ARHGAP10: variants seen among roughly 807,000 people sequenced by gnomAD.
ARHGAP10 encodes the protein rho GTPase-activating protein 10.
A neutral mutation model predicts 108.6 loss-of-function variants in ARHGAP10; 87 were observed. The ratio of observed to expected loss-of-function variants is 0.80; its 90% confidence interval spans 0.67 to 0.96. ARHGAP10 has a LOEUF of 0.96. ARHGAP10 is among the 40% of genes least tolerant of loss of function. The probability of loss-of-function intolerance (pLI) is 0.00; values close to 1 mark genes in which losing one functional copy is unlikely to be tolerated. For missense variants in ARHGAP10, 939 were observed against 954.5 expected (o/e 0.98, Z 0.21); for synonymous variants, 347 against 341.1 (o/e 1.02, Z -0.19).
At chr4:147,766,687 G>A (rs1196695070) in intron 1 of ARHGAP10, among the ~76,000 whole-genome samples, 7 of 145,336 alleles carry the variant, frequency 4.8e-5, no homozygotes, top group Admixed American at 4.8e-4. Flanking sequence ...CAGCCTGGGC[G>A]ATAGAGCAAG....
At position 147,966,777 on chromosome 4, in the gene ARHGAP10, G is replaced by A; in HGVS notation, c.1654G>A (p.Ala552Thr). The change falls in exon 18 of 23, where the codon GCC becomes ACC. Residue 552 changes from alanine to threonine, a missense_variant. Physicochemically the swap from Ala to Thr is moderately conservative, Grantham distance 58. Transcript: ENST00000336498. ...GAGGCCACAGGAAGAAACTGTCGCTGCCCTCATGGACTTGAAGTTTCAGAA... is the reference window on the plus strand; with the variant it reads ...GAGGCCACAGGAAGAAACTGTCGCTACCCTCATGGACTTGAAGTTTCAGAA... The part of the protein sequence containing the change: ...LMRPQEETVA[A>T]LMDLKFQNIV... The A allele has an allele frequency of 6.2e-7, 1 of 1,604,936 alleles. No individual in the cohort carries two copies. Among genetic ancestry groups the A allele is most frequent in the South Asian group, 1.1e-5 (1 of 89,598 alleles).
At chr4:147,825,789 C>T (rs1390813803) in intron 3 of ARHGAP10, among the ~76,000 whole-genome samples, 1 of 152,134 alleles carries the variant, frequency 6.6e-6, no homozygotes, top group South Asian at 2.1e-4. Context: ...TTTTTCTTAA[C>T]CCTCTTTGAT....
chr4:148,004,612 G>A (rs547037515), intron 18 of ARHGAP10, among the ~76,000 whole-genome samples: 3 of 152,352 alleles, frequency 2.0e-5, no homozygotes, highest in Admixed American at 2.0e-4. Context: ...GGAAACCGCA[G>A]GCATCCTCTA....
chr4:147,751,354 A>C (rs1729138970), intron 1 of ARHGAP10, among the ~76,000 whole-genome samples: 1 of 151,778 alleles, frequency 6.6e-6, no homozygotes, highest in South Asian at 2.1e-4. Context: ...TAGTAGGAGT[A>C]GATAATAGTT....
chr4:148,068,226 G>A (rs17024320), intron 22 of ARHGAP10, among the ~76,000 whole-genome samples: 2,901 of 152,294 alleles, frequency 0.019, 90 homozygotes, highest in African/African-American at 0.067. Context: ...GTTTCCAGGA[G>A]CGACCCCACG....
intron 9 of ARHGAP10, 99 bp downstream of exon 9, chr4:147,879,437 G>T: frequency 1.0e-6 from 1 of 1,000,020 alleles, no homozygotes. Context: ...TTATATTCAT[G>T]GATGGTAAAT....
At chr4:147,963,519 A>T (rs1477813248) in intron 16 of ARHGAP10, among the ~76,000 whole-genome samples, 1 of 152,218 alleles carries the variant, frequency 6.6e-6, no homozygotes, top group Non-Finnish European at 1.5e-5. Context: ...GATTTATTTG[A>T]TAGTTTTCCA....
rs373514100 is a variant in ARHGAP10 at position 147,945,818 on chromosome 4, G to C, written c.1304-799G>C. 1.5e-3 allele frequency among the ~76,000 whole-genome samples: 229 copies of C among 152,152 alleles called. 1 individual carries two copies. Among genetic ancestry groups the C allele is most frequent in the African/African-American group, 4.9e-3 (202 of 41,478 alleles). ...CATCACCAGGAAAAATTAGACATGC[G>C]GACACAGTGAAGGGTGAGGAGAGTG... On this transcript the variant is annotated intron_variant, in intron 14 of 22. Transcript: ENST00000336498.
intron 19 of ARHGAP10, among the ~76,000 whole-genome samples, chr4:148,043,614 A>AATATATATATGTATATATAT (rs1728728397): frequency 1.8e-5 from 1 of 54,978 alleles, no homozygotes; most frequent in South Asian, 5.0e-4. Context: ...CCCTCTCTCT[A>AATATATATATGTATATATAT]ATATATATAT....
intron 3 of ARHGAP10, among the ~76,000 whole-genome samples, chr4:147,840,758 A>C (rs1054207899): frequency 2.0e-5 from 3 of 152,204 alleles, no homozygotes; most frequent in South Asian, 4.1e-4. Context: ...ATCCCAGGCA[A>C]ATCCTAACGG....
At chr4:147,841,620 T>C (rs1352364825) in intron 3 of ARHGAP10, among the ~76,000 whole-genome samples, 1 of 152,136 alleles carries the variant, frequency 6.6e-6, no homozygotes, top group Non-Finnish European at 1.5e-5. Context: ...AAGTGAGAGA[T>C]TCCGTGGAGC....
chr4:147,884,547 A>G (rs1221815708), intron 10 of ARHGAP10, among the ~76,000 whole-genome samples: 1 of 152,144 alleles, frequency 6.6e-6, no homozygotes, highest in South Asian at 2.1e-4. Context: ...AAAAGTCTCT[A>G]ATTTACTTCC....
At chr4:147,784,171 ATATATTTTACATAACATTAAAT>A (rs1730703281) in intron 1 of ARHGAP10, among the ~76,000 whole-genome samples, 3 of 90,386 alleles carry the variant, frequency 3.3e-5, no homozygotes, top group Admixed American at 1.9e-4. Context: ...ATTGTGTATT[ATATATTTTACATAACATTAAAT>A]TGTGTATTAT....
intron 16 of ARHGAP10, among the ~76,000 whole-genome samples, chr4:147,963,600 G>A (rs892959782): frequency 1.4e-4 from 21 of 152,168 alleles, no homozygotes; most frequent in Non-Finnish European, 1.0e-4. Context: ...CCAAAGTTTG[G>A]GGGTTAAGGG....
chr4:147,883,665 T>G (rs4835467), intron 10 of ARHGAP10, among the ~76,000 whole-genome samples: 143,913 of 152,200 alleles, frequency 0.95, 68,491 homozygotes, highest in Non-Finnish European at 1. Context: ...TGCATTCTCC[T>G]CCTAGAGCCC....
chr4:147,788,839 A>G (rs1344007555), intron 1 of ARHGAP10, among the ~76,000 whole-genome samples: 4 of 152,242 alleles, frequency 2.6e-5, no homozygotes, highest in African/African-American at 4.8e-5. Context: ...TTGAGAAAAC[A>G]TTCATGCTTT....
chr4:147,956,741 T>G (rs1474046060), intron 16 of ARHGAP10, among the ~76,000 whole-genome samples: 1 of 149,236 alleles, frequency 6.7e-6, no homozygotes, highest in Non-Finnish European at 1.5e-5. Flanking sequence ...AATAAGGTTT[T>G]TTTTTTTCCT....
At chr4:147,851,230 T>C (rs1449815815) in intron 4 of ARHGAP10, among the ~76,000 whole-genome samples, 1 of 151,482 alleles carries the variant, frequency 6.6e-6, no homozygotes, top group Non-Finnish European at 1.5e-5. Flanking sequence ...CTACTCCAAA[T>C]TTCTTTCCAA....
intron 19 of ARHGAP10, among the ~76,000 whole-genome samples, chr4:148,030,281 T>G (rs1728087692): frequency 6.6e-6 from 1 of 152,192 alleles, no homozygotes; most frequent in South Asian, 2.1e-4. Context: ...AGCTTTTATT[T>G]TAATTTCTAG....
Sources: allele counts gnomAD v4.1 joint callset (sites outside exome capture counted in the v4.1 genomes callset), GRCh38; gene constraint gnomAD v4.1.1; transcripts MANE v1.5; gene names NCBI Gene and HGNC (gene_info 2026-07-23, HGNC 2026-07-21).